STK11IP: variants seen among roughly 807,000 people sequenced by gnomAD.
STK11IP encodes serine/threonine kinase 11 interacting protein.
A neutral mutation model predicts 131.7 loss-of-function variants in STK11IP; 103 were observed. The ratio of observed to expected loss-of-function variants is 0.78; its 90% CI spans 0.67 to 0.92. The LOEUF (loss-of-function observed/expected upper bound fraction) is 0.92, where lower values mean the gene tolerates loss of function less well. Among genes scored for constraint, STK11IP ranks in the 40% least tolerant of loss-of-function variants. The pLI, the probability that STK11IP is intolerant of heterozygous loss-of-function variation, is 0.00. For synonymous variants in STK11IP, 557 were observed against 575.6 expected (o/e 0.97, Z 0.46); for missense variants, 1,315 against 1,385.7 (o/e 0.95, Z 0.81).
In STK11IP at chr2:219,605,544, T is replaced by A. The variant is rs1044080676; in HGVS notation, c.619-64T>A. 14 of 1,533,528 alleles carry A rather than the reference T, an allele frequency of 9.1e-6. 1 individual carries two copies. The African/African-American group carries it at 1.8e-4, about 20-fold the overall frequency. The allele number at this position is 1,533,528 out of a possible 1,614,324, so 95.0% of individuals were successfully genotyped here. A position where few individuals can be genotyped will look rare whatever the true frequency, so the allele number is the denominator to read the frequency against. ...GTTGAGGCCTAGTCCAGAAGAGGTC[T>A]CAGAGGACCCTGGCTAGAGTTTGGT... On this transcript the variant is annotated intron_variant, in intron 7 of 24. Transcript: ENST00000456909.
intron 7 of STK11IP, among the ~76,000 whole-genome samples, chr2:219,604,648 G>A (rs1417742418): frequency 1.3e-5 from 2 of 152,166 alleles, no homozygotes; most frequent in Non-Finnish European, 2.9e-5. Context: ...GCAGCCAGTT[G>A]AGATTTCTAG....
chr2:219,611,576 A>G, intron 17 of STK11IP, 28 bp from the exon 18 acceptor site: 1 of 1,577,698 alleles, frequency 6.3e-7, no homozygotes, highest in Non-Finnish European at 8.7e-7. Flanking sequence ...GGGGGGGCTC[A>G]TGGGGACCGT....
rs368637601 is a variant in STK11IP, at chr2:219,609,173, G to A, written c.1886G>A (p.Arg629His). 1.2e-5 allele frequency: 20 copies of A among 1,609,424 alleles called. No individual in the cohort carries two copies. Among genetic ancestry groups the A allele is most frequent in the East Asian group, 4.5e-5 (2 of 44,750 alleles). Reference protein sequence around the residue: ...SYICPDRQLRRYLVLEPDAHA... With the variant: ...SYICPDRQLRHYLVLEPDAHA... Reference sequence around the variant, plus strand: ...ATCTGCCCTGACCGGCAGTTGCGTCGCTATTTGGTGCTGGAGCCTGATGCC... The same window carrying A: ...ATCTGCCCTGACCGGCAGTTGCGTCACTATTTGGTGCTGGAGCCTGATGCC... Residue 629 changes from arginine to histidine, a missense_variant, in exon 16 of 25, where the codon CGC becomes CAC. Coordinates refer to ENST00000456909, the MANE Select transcript of STK11IP (RefSeq NM_052902.4).
At chr2:219,598,606 G>C (rs1232905325) in intron 2 of STK11IP, 1 of 161,198 alleles carries the variant, frequency 6.2e-6, no homozygotes, top group African/African-American at 2.4e-5. Context: ...TGTTTCCTGA[G>C]GCTCAGTTTT....
rs1290387086 is a variant in STK11IP at position 219,606,528 on chromosome 2, T to G, written c.987+11T>G. The G allele has an allele frequency of 1.9e-6, 3 of 1,612,326 alleles. No individual in the cohort carries two copies. In the East Asian group the frequency reaches 6.7e-5, roughly 36 times the overall value. ...CTGACAGATTTTCAGGTCGGTGTGG[T>G]TGGGGGGCGAGGACTGTTGGGGGAA... On this transcript the variant is annotated intron_variant, in intron 11 of 24. Coordinates refer to ENST00000456909, the MANE Select transcript of STK11IP (RefSeq NM_052902.4).
chr2:219,607,555 A>G (rs1336477985), intron 13 of STK11IP, among the ~76,000 whole-genome samples: 1 of 152,054 alleles, frequency 6.6e-6, no homozygotes, highest in Non-Finnish European at 1.5e-5. Flanking sequence ...GCTACTTGGG[A>G]GGCTGAGGCA....
chr2:219,614,352 C>T, intron 22 of STK11IP, 110 bp downstream of exon 22: 1 of 1,517,894 alleles, frequency 6.6e-7, no homozygotes, highest in Non-Finnish European at 9.1e-7. Flanking sequence ...GTCCTCATGC[C>T]ATGCCCCTTA....
chr2:219,598,163 G>A lies in STK11IP; in HGVS notation c.44G>A (p.Gly15Glu), dbSNP rs779325285. 5.7e-6 allele frequency: 9 copies of A among 1,568,086 alleles called. No homozygotes were observed. The highest frequency in any genetic ancestry group is 7.8e-6 in the Non-Finnish European group (9 of 1,156,228). ...QRDSLLWKLA[G>E]LLRESGDVVL... ...GACTCCCTGTTGTGGAAGCTCGCGG[G>A]GTTGCTGCGGGAGTCCGGTGAGTGG... Residue 15 changes from glycine (G) to glutamate (E), a missense_variant, in exon 2 of 25, where the codon GGG (glycine) becomes GAG (glutamate). By Grantham distance (98) the Gly-to-Glu change is moderately conservative. Transcript: ENST00000456909.
At chr2:219,609,041 A>T in intron 15 of STK11IP, 56 bp from the exon 16 acceptor site, 2 of 1,350,526 alleles carry the variant, frequency 1.5e-6, no homozygotes, top group Non-Finnish European at 2.1e-6. Context: ...GCATCCCCTC[A>T]TCCCTCTGAT....
In STK11IP at chr2:219,598,089, C is replaced by A. The variant is rs772515722; in HGVS notation, c.-26-5C>A. Reference sequence around the variant, plus strand: ...GGCTCTTCCGCTTCCTCTTTCCCCCCCCAGGCTCCGCCCCCCAGCGTCCCG... The same window carrying A: ...GGCTCTTCCGCTTCCTCTTTCCCCCACCAGGCTCCGCCCCCCAGCGTCCCG... On this transcript the variant is annotated splice_region_variant and splice_polypyrimidine_tract_variant and intron_variant, in intron 1 of 24. Transcript: ENST00000456909. 1.9e-4 allele frequency: 302 copies of A among 1,584,100 alleles called. No homozygotes were observed. The highest frequency in any genetic ancestry group is 2.5e-4 in the Non-Finnish European group (293 of 1,166,050).
intron 7 of STK11IP, among the ~76,000 whole-genome samples, chr2:219,604,242 G>A (rs1698082542): frequency 1.3e-5 from 2 of 152,124 alleles, no homozygotes; most frequent in Non-Finnish European, 1.5e-5. Context: ...TTTTTACTGT[G>A]GGGGTTGGAG....
At chr2:219,602,629 G>T in intron 6 of STK11IP, 54 bp downstream of exon 6, 1 of 1,611,236 alleles carries the variant, frequency 6.2e-7, no homozygotes, top group South Asian at 1.1e-5. Context: ...CAGGCCTTTG[G>T]GGAGGAGGGC....
chr2:219,612,006 T>C lies in STK11IP; in HGVS notation c.2387T>C (p.Leu796Pro). The change falls in exon 19 of 25, where the codon CTG (leucine) becomes CCG (proline). Residue 796 changes from leucine (L) to proline (P), a missense_variant. Transcript: ENST00000456909. ...GTGGACCACCGACTCCGGCTCTTCC[T>C]GGATGTTGAGGTGTTCAGCGATGCC... ...RSVDHRLRLFLDVEVFSDAQE... is the reference protein window; with the variant it reads ...RSVDHRLRLFPDVEVFSDAQE... 1 of 1,605,770 alleles carries C rather than the reference T, an allele frequency of 6.2e-7. No homozygotes were observed. The highest frequency in any genetic ancestry group is 8.5e-7 in the Non-Finnish European group (1 of 1,176,972).
At chr2:219,598,252 C>A (rs1348681628) in intron 2 of STK11IP, 72 bp downstream of exon 2, 2 of 1,151,510 alleles carry the variant, frequency 1.7e-6, no homozygotes, top group Admixed American at 2.9e-5. Flanking sequence ...TGGAGACACG[C>A]CCTGAGAGTC....
chr2:219,605,982 C>T lies in STK11IP; in HGVS notation c.772C>T (p.His258Tyr), dbSNP rs1469817875. Residue 258 changes from histidine to tyrosine, a missense_variant, in exon 9 of 25, where the codon CAC (histidine) becomes TAC (tyrosine). Coordinates refer to ENST00000456909, the MANE Select transcript of STK11IP (RefSeq NM_052902.4). ...CCTAGAGCAGCTGAGGAATCTGCGG[C>T]ACCTGGATTTGGCATACAACCTGCT... is the stretch of plus-strand genomic sequence containing the variant. ...HGLEQLRNLR[H>Y]LDLAYNLLEG... 6.2e-7 allele frequency: 1 copy of T among 1,608,322 alleles called. No individual in the cohort carries two copies. The highest frequency in any genetic ancestry group is 8.5e-7 in the Non-Finnish European group (1 of 1,177,492).
intron 13 of STK11IP, among the ~76,000 whole-genome samples, chr2:219,607,414 TG>T (rs1698228475): frequency 6.6e-6 from 1 of 152,098 alleles, no homozygotes; most frequent in African/African-American, 2.4e-5. Context: ...CCCAGCACTT[TG>T]GGAGGCTGAG....
rs1357274281 is a variant in STK11IP at position 219,601,648 on chromosome 2, A to G, written c.275A>G (p.His92Arg). The G allele has an allele frequency of 4.5e-6, 7 of 1,572,978 alleles. No homozygotes were observed. In the South Asian group the frequency reaches 4.6e-5, roughly 10 times the overall value. The change falls in exon 4 of 25, where the codon CAT becomes CGT. Residue 92 changes from histidine to arginine, a missense_variant. By Grantham distance (29) the His-to-Arg change is conservative. Transcript: ENST00000456909. ...TTTTTTTTTTTTTTTCAGCTGGTCC[A>G]TGTTGCTGGTCCTGGCCCCACAGGG... Reference protein sequence around the residue: ...LQKTLSLKLVHVAGPGPTGPI... With the variant: ...LQKTLSLKLVRVAGPGPTGPI...
chr2:219,611,213 G>A (rs1052440888), intron 17 of STK11IP, among the ~76,000 whole-genome samples: 1 of 152,224 alleles, frequency 6.6e-6, no homozygotes, highest in African/African-American at 2.4e-5. Flanking sequence ...TGGCAACAGA[G>A]TTCTCTGCCT....
At chr2:219,600,470 A>G (rs1223152709) in intron 2 of STK11IP, among the ~76,000 whole-genome samples, 1 of 152,244 alleles carries the variant, frequency 6.6e-6, no homozygotes, top group East Asian at 1.9e-4. Flanking sequence ...GGTAAAGGAT[A>G]CAGGGGACCT....
Sources: gnomAD v4.1 joint callset for allele counts (sites outside exome capture counted in the v4.1 genomes callset) on GRCh38, gnomAD v4.1.1 for gene constraint, MANE v1.5 for transcripts, NCBI Gene and HGNC (gene_info 2026-07-23, HGNC 2026-07-21) for gene names.